The following ACTR2 variants were observed in gnomAD, a reference collection of about 807,000 sequenced individuals.
The protein encoded by ACTR2 is actin-related protein 2.
Under a neutral mutation model 50.2 loss-of-function variants are expected in ACTR2, and 5 were observed. The observed-to-expected ratio is 0.10, with a 90% CI of 0.05 to 0.21. ACTR2 has a LOEUF of 0.21. ACTR2 is among the 10% of genes least tolerant of loss of function. The pLI is 1.00. For missense variants in ACTR2, 180 were observed against 480.6 expected (o/e 0.37, Z 5.85); for synonymous variants, 140 against 162.9 (o/e 0.86, Z 1.07).
chr2:65,257,499 G>A (rs1422970855), intron 6 of ACTR2, among the ~76,000 whole-genome samples: 1 of 152,142 alleles, frequency 6.6e-6, no homozygotes, highest in Non-Finnish European at 1.5e-5. Flanking sequence ...GGTATTTCTA[G>A]TTCTAGATCC....
intron 2 of ACTR2, among the ~76,000 whole-genome samples, chr2:65,240,348 T>A (rs1265740010): frequency 1.3e-5 from 2 of 152,216 alleles, no homozygotes; most frequent in Admixed American, 1.3e-4. Context: ...TTTGGCACCT[T>A]AGACTTTTTC....
chr2:65,228,869 A>T (rs1671582018), intron 1 of ACTR2, among the ~76,000 whole-genome samples: 1 of 152,216 alleles, frequency 6.6e-6, no homozygotes, highest in South Asian at 2.1e-4. Context: ...ACCAGAGGTT[A>T]GGAGTTCGAG....
chr2:65,246,486 G>A, intron 2 of ACTR2, 38 bp from the exon 3 acceptor site: 3 of 1,390,432 alleles, frequency 2.2e-6, no homozygotes, highest in South Asian at 1.3e-5. Flanking sequence ...TAAATATTAT[G>A]CAAAACTTTG....
intron 2 of ACTR2, among the ~76,000 whole-genome samples, chr2:65,244,904 TGCAC>T (rs1671907045): frequency 7.0e-6 from 1 of 143,748 alleles, no homozygotes; most frequent in Non-Finnish European, 1.5e-5. Context: ...ATGGCACCAC[TGCAC>T]TCCAGCTTGG....
At chr2:65,268,529 A>G (rs768458921) in intron 8 of ACTR2, 35 bp from the exon 9 acceptor site, 1 of 1,592,826 alleles carries the variant, frequency 6.3e-7, no homozygotes, top group Non-Finnish European at 8.6e-7. Context: ...CACTGTGCAC[A>G]TGTACCATTT....
intron 1 of ACTR2, among the ~76,000 whole-genome samples, chr2:65,234,020 C>T (rs1671687312): frequency 6.6e-6 from 1 of 152,068 alleles, no homozygotes; most frequent in Non-Finnish European, 1.5e-5. Context: ...AGGTGATCCT[C>T]CCACCTCAGC....
chr2:65,246,357 T>G (rs1671939222), intron 2 of ACTR2, 167 bp from the exon 3 acceptor site: 2 of 551,464 alleles, frequency 3.6e-6, no homozygotes, highest in Admixed American at 7.5e-5. Flanking sequence ...AAATGTATTA[T>G]CCATGATTAA....
chr2:65,268,098 A>G (rs892474003), intron 8 of ACTR2, among the ~76,000 whole-genome samples: 6 of 151,620 alleles, frequency 4.0e-5, no homozygotes, highest in South Asian at 2.1e-4. Context: ...TGGCCTCCCA[A>G]AGTGCTGGGA....
chr2:65,250,354 A>G (rs187230507), intron 3 of ACTR2, among the ~76,000 whole-genome samples: 1 of 147,242 alleles, frequency 6.8e-6, no homozygotes, highest in Admixed American at 7.0e-5. Flanking sequence ...ACAGAGCAAG[A>G]CTCCGTCTCA....
chr2:65,264,345 G>A (rs1355124783), intron 7 of ACTR2, among the ~76,000 whole-genome samples: 1 of 152,178 alleles, frequency 6.6e-6, no homozygotes, highest in Non-Finnish European at 1.5e-5. Flanking sequence ...TTTAGCCATT[G>A]AGAACCTGGA....
Position 65,264,877 on chromosome 2 carries a change from C to T in ACTR2, c.882-166C>T, listed in dbSNP as rs145836398. Among the ~76,000 whole-genome samples, 66 of 152,234 alleles carry T rather than the reference C, an allele frequency of 4.3e-4. No homozygotes were observed. The East Asian group carries it at 5.2e-3, about 12-fold the overall frequency. ...AAAGATTTTATATGTAAAGAGGGGT[C>T]GTTACTTCACAGTAGTAATAACAGC... On this transcript the variant is annotated intron_variant, in intron 7 of 8. Transcript: ENST00000260641.
Position 65,239,971 on chromosome 2 carries a change from T to A in ACTR2, c.159+9T>A, listed in dbSNP as rs949437173. 3 of 1,510,446 alleles carry A rather than the reference T, an allele frequency of 2.0e-6. No individual in the cohort carries two copies. The African/African-American group carries it at 4.1e-5, about 21-fold the overall frequency. 93.6% of individuals were successfully genotyped at this position (1,510,446 alleles called of 1,614,324 possible). A position where few individuals can be genotyped will look rare whatever the true frequency, so the allele number is the denominator to read the frequency against. On this transcript the variant is annotated intron_variant, in intron 2 of 8. Coordinates refer to ENST00000260641, the MANE Select transcript of ACTR2 (RefSeq NM_005722.4). ...GAAACATTGAAATCAAGGTAATATT[T>A]TATTTATTGATAAATGATAATCAAG...
At chr2:65,241,910 A>G in intron 2 of ACTR2, 1 of 987,058 alleles carries the variant, frequency 1.0e-6, no homozygotes, top group East Asian at 2.4e-5. Flanking sequence ...CATTAAATAT[A>G]GTAGTACTGC....
intron 1 of ACTR2, among the ~76,000 whole-genome samples, chr2:65,237,535 C>T (rs1037970831): frequency 5.3e-5 from 8 of 152,046 alleles, no homozygotes; most frequent in African/African-American, 1.7e-4. Flanking sequence ...AGCCACTGGG[C>T]CCAGCGTAAA....
intron 4 of ACTR2, among the ~76,000 whole-genome samples, chr2:65,251,988 T>TC (rs1672061487): frequency 6.6e-6 from 1 of 151,920 alleles, no homozygotes; most frequent in Non-Finnish European, 1.5e-5. Flanking sequence ...TCTGGGCCTG[T>TC]CAGATATGTG....
chr2:65,259,690 C>T (rs1672227336), intron 6 of ACTR2, among the ~76,000 whole-genome samples: 1 of 152,176 alleles, frequency 6.6e-6, no homozygotes, highest in Admixed American at 6.5e-5. Flanking sequence ...GATCAAGCCA[C>T]TACACTCCAG....
intron 8 of ACTR2, among the ~76,000 whole-genome samples, chr2:65,266,083 T>C (rs2104024296): frequency 6.6e-6 from 1 of 152,382 alleles, no homozygotes; most frequent in Non-Finnish European, 1.5e-5. Flanking sequence ...GGTGATCATT[T>C]ATTCAGCAAA....
intron 1 of ACTR2, among the ~76,000 whole-genome samples, chr2:65,232,838 T>A (rs1671665555): frequency 6.6e-6 from 1 of 152,200 alleles, no homozygotes; most frequent in South Asian, 2.1e-4. Flanking sequence ...AATCTATTTC[T>A]TAAACACAGC....
rs967284283 is a variant in ACTR2 at position 65,270,207 on chromosome 2, TAACTAATA to T, written c.*1475_*1482del. The T allele has an allele frequency of 1.3e-5, 2 of 150,902 alleles. No individual in the cohort carries two copies. Among genetic ancestry groups the T allele is most frequent in the Non-Finnish European group, 3.0e-5 (2 of 67,650 alleles). 9.3% of individuals were successfully genotyped at this position (150,902 alleles called of 1,614,324 possible). On this transcript the variant is annotated 3_prime_UTR_variant, in exon 9 of 9. Transcript: ENST00000260641. ...TTTTCTTCATTTTAAAACTTTTTTT[TAACTAATA>T]ATAGCTTTGAAAGAAGAGGCTTAAT...
Sources: allele counts gnomAD v4.1 joint callset (sites outside exome capture counted in the v4.1 genomes callset), GRCh38; gene constraint gnomAD v4.1.1; transcripts MANE v1.5; gene names NCBI Gene and HGNC (gene_info 2026-07-23, HGNC 2026-07-21).